Variants in DLG2 observed in about 807,000 individuals in gnomAD.
DLG2 encodes disks large homolog 2.
A neutral mutation model predicts 132.5 loss-of-function variants in DLG2; 45 were observed. The observed-to-expected ratio is 0.34, with a 90% CI of 0.27 to 0.44. DLG2 has a LOEUF of 0.44. Ranked by LOEUF, DLG2 falls within the 20% of genes least tolerant of loss-of-function variation. DLG2 has a pLI of 1.00. For missense variants in DLG2, 1,045 were observed against 1,196.9 expected (o/e 0.87, Z 1.87); for synonymous variants, 424 against 419.6 (o/e 1.01, Z -0.13).
intron 6 of DLG2, among the ~76,000 whole-genome samples, chr11:85,069,919 A>G (rs1408053541): frequency 6.6e-6 from 1 of 152,104 alleles, no homozygotes; most frequent in Non-Finnish European, 1.5e-5. Context: ...TCCATCAATG[A>G]TAGACTGGAT....
chr11:84,931,769 GC>G (rs2048122515), intron 6 of DLG2, among the ~76,000 whole-genome samples: 1 of 152,070 alleles, frequency 6.6e-6, no homozygotes, highest in African/African-American at 2.4e-5. Flanking sequence ...CCACAACCTT[GC>G]CAGCATATGC....
In DLG2 at chr11:85,598,638, T is replaced by A; in HGVS notation, c.40+19A>T. The A allele has an allele frequency of 1.3e-6, 2 of 1,526,442 alleles. No individual in the cohort carries two copies. Among genetic ancestry groups the A allele is most frequent in the Non-Finnish European group, 1.8e-6 (2 of 1,139,400 alleles). 94.6% of individuals were successfully genotyped at this position (1,526,442 alleles called of 1,614,324 possible). A position where few individuals can be genotyped will look rare whatever the true frequency, so the allele number is the denominator to read the frequency against. ...CAATTCTGACCATTAAAATGATGAATAACTTTCATAATACATACCTAGCAA... is the reference window on the plus strand; with the variant it reads ...CAATTCTGACCATTAAAATGATGAAAAACTTTCATAATACATACCTAGCAA... On this transcript the variant is annotated intron_variant, in intron 3 of 27. Transcript: ENST00000376104.
chr11:84,545,751 C>CTTTTTTTTTTTTTTTTTTTTTT, intron 6 of DLG2: 1 of 106,434 alleles, frequency 9.4e-6, no homozygotes, highest in Non-Finnish European at 1.8e-5. Flanking sequence ...AGGTGATGTT[C>CTTTTTTTTTTTTTTTTTTTTTT]TTTTTTTTTT....
intron 6 of DLG2, among the ~76,000 whole-genome samples, chr11:84,761,147 T>G (rs2067576349): frequency 1.3e-5 from 2 of 152,106 alleles, no homozygotes; most frequent in African/African-American, 4.8e-5. Flanking sequence ...AACACTGGGG[T>G]TGCAGGTATC....
intron 4 of DLG2, among the ~76,000 whole-genome samples, chr11:85,207,242 T>C (rs943977091): frequency 6.6e-6 from 1 of 152,182 alleles, no homozygotes; most frequent in Non-Finnish European, 1.5e-5. Flanking sequence ...TCTTAGACTG[T>C]GTAAACAATT....
At chr11:85,540,180 C>T (rs985453097) in intron 3 of DLG2, among the ~76,000 whole-genome samples, 5 of 152,180 alleles carry the variant, frequency 3.3e-5, no homozygotes, top group African/African-American at 1.2e-4. Context: ...ACCCTTGGGC[C>T]TTTGCCCACG....
chr11:84,953,479 T>C (rs940563754), intron 6 of DLG2, among the ~76,000 whole-genome samples: 3 of 152,208 alleles, frequency 2.0e-5, no homozygotes, highest in Non-Finnish European at 2.9e-5. Flanking sequence ...GGGTAAGCCA[T>C]AGCTATTCAT....
chr11:83,947,529 G>A lies in DLG2; in HGVS notation c.1340+15356C>T, dbSNP rs550770108. On this transcript the variant is annotated intron_variant, in intron 14 of 27. Transcript: ENST00000376104. ...AACCTCACTCTACCACTCCCAGCTA[G>A]CTCAACTATCATCACAGCGGAAGCC... Among the ~76,000 whole-genome samples, 16 of 152,234 alleles carry A rather than the reference G, an allele frequency of 1.1e-4. No homozygotes were observed. In the South Asian group the frequency reaches 3.3e-3, roughly 32 times the overall value.
intron 7 of DLG2, among the ~76,000 whole-genome samples, chr11:84,466,158 T>C (rs2099093819): frequency 6.6e-6 from 1 of 151,202 alleles, no homozygotes; most frequent in Non-Finnish European, 1.5e-5. Flanking sequence ...GATCAGTACC[T>C]CACACCATAC....
At chr11:83,611,679 G>C (rs774963673) in intron 19 of DLG2, among the ~76,000 whole-genome samples, 1 of 152,172 alleles carries the variant, frequency 6.6e-6, no homozygotes, top group Non-Finnish European at 1.5e-5. Context: ...GAATGGTACT[G>C]AATGATTACC....
rs141677387 is a variant in DLG2, at chr11:83,930,437, G to A, written c.1387C>T (p.Pro463Ser). 2.7e-5 allele frequency: 44 copies of A among 1,614,072 alleles called. No individual in the cohort carries two copies. The East Asian group carries it at 9.6e-4, about 35-fold the overall frequency. ...YSTVNKLCDK[P>S]ASPRHYSPVE... ...GGGGAATAGTGCCTGGGAGAAGCAG[G>A]CTTATCACATAGTTTGTTCACAGTG... The change falls in exon 15 of 28, where the codon CCT (proline) becomes TCT (serine). Residue 463 changes from proline to serine, a missense_variant. Around this residue, in one of 4 missense-constraint regions of DLG2, gnomAD observed 261 missense variants for 256.1 expected, o/e 1.02. Coordinates refer to ENST00000376104, the MANE Select transcript of DLG2 (RefSeq NM_001142699.3).
At chr11:84,785,548 G>T (rs1311266184) in intron 6 of DLG2, among the ~76,000 whole-genome samples, 4 of 151,972 alleles carry the variant, frequency 2.6e-5, no homozygotes, top group African/African-American at 9.7e-5. Context: ...TTAGGTACAA[G>T]ACCACTATAA....
intron 18 of DLG2, among the ~76,000 whole-genome samples, chr11:83,667,514 C>G (rs765111044): frequency 6.6e-6 from 1 of 152,180 alleles, no homozygotes; most frequent in African/African-American, 2.4e-5. Context: ...CACAAATACT[C>G]ATTACCTGAA....
chr11:84,650,461 T>G (rs2154546426), intron 6 of DLG2, among the ~76,000 whole-genome samples: 1 of 152,278 alleles, frequency 6.6e-6, no homozygotes, highest in East Asian at 1.9e-4. Context: ...GAGATCATTA[T>G]TTACAGTTAA....
chr11:84,637,636 GA>G (rs2099643056), intron 6 of DLG2, among the ~76,000 whole-genome samples: 1 of 152,204 alleles, frequency 6.6e-6, no homozygotes. Flanking sequence ...CTTGTCTGGG[GA>G]AGTTCAGATT....
At chr11:84,477,417 C>T (rs983320977) in intron 7 of DLG2, among the ~76,000 whole-genome samples, 24 of 151,966 alleles carry the variant, frequency 1.6e-4, no homozygotes, top group Non-Finnish European at 5.9e-5. Context: ...ATTGCTTGAA[C>T]CCAGGAGGCA....
chr11:85,609,891 C>A (rs889812690), intron 2 of DLG2, among the ~76,000 whole-genome samples: 1 of 152,320 alleles, frequency 6.6e-6, no homozygotes, highest in Non-Finnish European at 1.5e-5. Context: ...TCTCCCACCT[C>A]CTCAGTTGTA....
intron 4 of DLG2, among the ~76,000 whole-genome samples, chr11:85,177,217 C>T (rs2079331136): frequency 6.6e-6 from 1 of 151,314 alleles, no homozygotes; most frequent in Non-Finnish European, 1.5e-5. Context: ...AAATACTGCT[C>T]CATGATAGAC....
intron 6 of DLG2, among the ~76,000 whole-genome samples, chr11:84,961,025 G>T (rs990904037): frequency 6.6e-6 from 1 of 151,998 alleles, no homozygotes; most frequent in African/African-American, 2.4e-5. Context: ...TTGAGAATCT[G>T]CTCTGTAGTT....
Sources: allele counts gnomAD v4.1 joint callset (sites outside exome capture counted in the v4.1 genomes callset), GRCh38; gene constraint gnomAD v4.1.1; regional missense constraint gnomAD v4.1.1; transcripts MANE v1.5; gene names NCBI Gene and HGNC (gene_info 2026-07-23, HGNC 2026-07-21).